PRKAA1: variants seen among roughly 807,000 people sequenced by gnomAD.
PRKAA1 encodes 5'-AMP-activated protein kinase catalytic subunit alpha-1.
A neutral mutation model predicts 56.9 loss-of-function variants in PRKAA1; 23 were observed. The observed-to-expected ratio is 0.40, with a 90% CI of 0.29 to 0.57. PRKAA1 has a LOEUF of 0.57. Ranked by LOEUF, PRKAA1 falls within the 20% of genes least tolerant of loss-of-function variation. PRKAA1 has a pLI of 0.39. For missense variants in PRKAA1, 413 were observed against 679.7 expected (o/e 0.61, Z 4.36); for synonymous variants, 226 against 227.0 (o/e 1.00, Z 0.04).
chr5:40,793,715 A>G (rs772321708), intron 1 of PRKAA1, among the ~76,000 whole-genome samples: 1 of 152,174 alleles, frequency 6.6e-6, no homozygotes, highest in Admixed American at 6.5e-5. Flanking sequence ...CTGTGTGTTC[A>G]CTGAGTATCC....
intron 1 of PRKAA1, among the ~76,000 whole-genome samples, chr5:40,793,619 T>A (rs549224716): frequency 3.3e-5 from 5 of 152,248 alleles, no homozygotes; most frequent in African/African-American, 1.2e-4. Context: ...TCTAAACATA[T>A]GGTTAACCCT....
chr5:40,793,727 T>C (rs1385927759), intron 1 of PRKAA1, among the ~76,000 whole-genome samples: 1 of 152,218 alleles, frequency 6.6e-6, no homozygotes, highest in Non-Finnish European at 1.5e-5. Flanking sequence ...TGAGTATCCA[T>C]GTCCCCCTTT....
chr5:40,782,047 G>T (rs1744287334), intron 1 of PRKAA1, among the ~76,000 whole-genome samples: 1 of 152,152 alleles, frequency 6.6e-6, no homozygotes, highest in Non-Finnish European at 1.5e-5. Flanking sequence ...CCAAGCTCTG[G>T]CTTGGCACAG....
At position 40,762,765 on chromosome 5, in the gene PRKAA1, CAA is replaced by C. The variant is rs765785940; in HGVS notation, c.*11_*12del. The C allele has an allele frequency of 3.1e-6, 5 of 1,611,658 alleles. No individual in the cohort carries two copies. In the South Asian group the frequency reaches 4.4e-5, roughly 14 times the overall value. On this transcript the variant is annotated 3_prime_UTR_variant, in exon 9 of 9. Coordinates refer to ENST00000397128, the MANE Select transcript of PRKAA1 (RefSeq NM_006251.6). ...TGCTTATTGCTGCAAAAGAAATAAG[CAA>C]AGTTTTCTGTTTATTGTGCAAGAAT...
intron 1 of PRKAA1, among the ~76,000 whole-genome samples, chr5:40,796,598 A>G (rs1345145031): frequency 6.6e-6 from 1 of 152,194 alleles, no homozygotes; most frequent in Non-Finnish European, 1.5e-5. Flanking sequence ...TTATTACCCA[A>G]TTCTGGCATT....
chr5:40,777,666 G>C, intron 1 of PRKAA1, 80 bp from the exon 2 acceptor site: 2 of 1,336,492 alleles, frequency 1.5e-6, no homozygotes, highest in Non-Finnish European at 2.0e-6. Context: ...CGGTGCAGTG[G>C]CTCATGCCTG....
chr5:40,784,603 C>CT (rs956289663), intron 1 of PRKAA1, among the ~76,000 whole-genome samples: 6 of 152,112 alleles, frequency 3.9e-5, no homozygotes, highest in African/African-American at 9.7e-5. Flanking sequence ...AACAAGGGCT[C>CT]TTTTTTTAAC....
At chr5:40,768,967 A>C (rs1326938516) in intron 5 of PRKAA1, 1 of 1,420,570 alleles carries the variant, frequency 7.0e-7, no homozygotes, top group Non-Finnish European at 9.7e-7. Context: ...AAGATTCAAC[A>C]TAAATGAAGT....
At position 40,762,665 on chromosome 5, in the gene PRKAA1, A is replaced by C; in HGVS notation, c.*113T>G. ...CCAATCCCTGTGCAAATTGCATTCC[A>C]AAACGCCAGCCCTCGGTTATAATTA... On this transcript the variant is annotated 3_prime_UTR_variant, in exon 9 of 9. Transcript: ENST00000397128. The C allele has an allele frequency of 7.2e-7, 1 of 1,381,106 alleles. No individual in the cohort carries two copies. Among genetic ancestry groups the C allele is most frequent in the East Asian group, 2.3e-5 (1 of 42,640 alleles). The allele number at this position is 1,381,106 out of a possible 1,614,324, so 85.6% of individuals were successfully genotyped here.
chr5:40,783,172 G>A (rs1484432683), intron 1 of PRKAA1, among the ~76,000 whole-genome samples: 1 of 151,810 alleles, frequency 6.6e-6, no homozygotes, highest in African/African-American at 2.4e-5. Flanking sequence ...TGATTTAAAA[G>A]TTGATGAAAA....
In PRKAA1 at chr5:40,761,855, A is replaced by C. The variant is rs1743202582; in HGVS notation, c.*923T>G. 6.6e-6 allele frequency: 1 copy of C among 152,344 alleles called. No homozygotes were observed. Among genetic ancestry groups the C allele is most frequent in the Non-Finnish European group, 1.5e-5 (1 of 68,044 alleles). 9.4% of individuals were successfully genotyped at this position (152,344 alleles called of 1,614,324 possible). A position where few individuals can be genotyped will look rare whatever the true frequency, so the allele number is the denominator to read the frequency against. ...CAGAATATCGTGGGAATATTTTAAG[A>C]CTAAAATTAGTGCTAGAGTATCTGA... On this transcript the variant is annotated 3_prime_UTR_variant, in exon 9 of 9. Coordinates refer to ENST00000397128, the MANE Select transcript of PRKAA1 (RefSeq NM_006251.6).
chr5:40,765,263 G>A (rs2111982059), intron 6 of PRKAA1, 25 bp from the exon 7 acceptor site: 1 of 1,586,066 alleles, frequency 6.3e-7, no homozygotes, highest in South Asian at 1.2e-5. Flanking sequence ...GCAGGATCAG[G>A]AGAAGGACTT....
chr5:40,769,761 GA>G (rs1300094294), intron 4 of PRKAA1, among the ~76,000 whole-genome samples: 2 of 147,170 alleles, frequency 1.4e-5, no homozygotes. Flanking sequence ...TTGCTTATTA[GA>G]AAAAACTTGC....
chr5:40,779,068 G>T (rs1243707841), intron 1 of PRKAA1, among the ~76,000 whole-genome samples: 1 of 151,666 alleles, frequency 6.6e-6, no homozygotes, highest in Non-Finnish European at 1.5e-5. Flanking sequence ...CAAAGTGCTA[G>T]GATTATAGGT....
rs936294718 is a variant in PRKAA1 at position 40,797,925 on chromosome 5, T to A, written c.127+138A>T. On this transcript the variant is annotated intron_variant, in intron 1 of 8. Coordinates refer to ENST00000397128, the MANE Select transcript of PRKAA1 (RefSeq NM_006251.6). Reference sequence around the variant, plus strand: ...CAGCCCCGCGGCGGCTGGGGAGAGCTCCCGCAGGATCCGGGACAGGGGCTG... The same window carrying A: ...CAGCCCCGCGGCGGCTGGGGAGAGCACCCGCAGGATCCGGGACAGGGGCTG... The A allele has an allele frequency of 6.8e-6, 9 of 1,330,876 alleles. No homozygotes were observed. The Admixed American group carries it at 2.0e-4, about 29-fold the overall frequency. The allele number at this position is 1,330,876 out of a possible 1,614,324, so 82.4% of individuals were successfully genotyped here. A position where few individuals can be genotyped will look rare whatever the true frequency, so the allele number is the denominator to read the frequency against.
At position 40,761,376 on chromosome 5, in the gene PRKAA1, A is replaced by G. The variant is rs183113419; in HGVS notation, c.*1402T>C. On this transcript the variant is annotated 3_prime_UTR_variant, in exon 9 of 9. Coordinates refer to ENST00000397128, the MANE Select transcript of PRKAA1 (RefSeq NM_006251.6). ...AGATACTTGAAGTATTTTCACGGTG[A>G]TAAGTATGTCTGTAACATCCAAATG... 6 of 152,308 alleles carry G rather than the reference A, an allele frequency of 3.9e-5. No individual in the cohort carries two copies. The highest frequency in any genetic ancestry group is 3.9e-4 in the Admixed American group (6 of 15,302). The allele number at this position is 152,308 out of a possible 1,614,324, so 9.4% of individuals were successfully genotyped here. A position where few individuals can be genotyped will look rare whatever the true frequency, so the allele number is the denominator to read the frequency against.
At chr5:40,785,852 A>G (rs1744454580) in intron 1 of PRKAA1, among the ~76,000 whole-genome samples, 1 of 59,616 alleles carries the variant, frequency 1.7e-5, no homozygotes, top group Admixed American at 2.2e-4. Context: ...AGAGAGAGAG[A>G]GAGAGAGAGA....
rs377342173 is a variant in PRKAA1, at chr5:40,767,621, G to C, written c.666C>G (p.Thr222=). 1.2e-6 allele frequency: 2 copies of C among 1,613,470 alleles called. No homozygotes were observed. The highest frequency in any genetic ancestry group is 1.7e-6 in the Non-Finnish European group (2 of 1,179,712). The change falls in exon 6 of 9, where the codon ACC becomes ACG. Residue 222 remains threonine, a synonymous_variant. Coordinates refer to ENST00000397128, the MANE Select transcript of PRKAA1 (RefSeq NM_006251.6). ...GCACATGGTCATCATCAAATGGAAG[G>C]GTTCCACATAATAAAGCATAGAGAA... The part of the protein sequence containing the change: ...GVILYALLCG[T]LPFDDDHVPT...
intron 1 of PRKAA1, among the ~76,000 whole-genome samples, chr5:40,792,390 C>A (rs919403756): frequency 6.6e-6 from 1 of 152,166 alleles, no homozygotes; most frequent in Non-Finnish European, 1.5e-5. Flanking sequence ...ATATTTACAA[C>A]AATATGGCAG....
Sources: allele counts gnomAD v4.1 joint callset (sites outside exome capture counted in the v4.1 genomes callset), GRCh38; gene constraint gnomAD v4.1.1; transcripts MANE v1.5; gene names NCBI Gene and HGNC (gene_info 2026-07-23, HGNC 2026-07-21).